Variants in PARD3B observed in about 807,000 individuals in gnomAD.
The protein encoded by PARD3B is partitioning defective 3 homolog B.
Under a neutral mutation model 130.2 loss-of-function variants are expected in PARD3B, and 103 were observed. The observed-to-expected ratio is 0.79, with a 90% CI of 0.67 to 0.93. The LOEUF is 0.93. Among genes scored for constraint, PARD3B ranks in the 40% least tolerant of loss-of-function variants. The pLI is 0.00. For missense variants in PARD3B, 1,609 were observed against 1,499.2 expected (o/e 1.07, Z -1.21); for synonymous variants, 583 against 553.2 (o/e 1.05, Z -0.76).
rs1285176600 is a variant in PARD3B at position 205,122,891 on chromosome 2, C to T, written c.1165+942C>T. ...ACATTGACTAGTAGGTACAAAAATA[C>T]TTCAGTGTGCTTATCAATCAGGTTT... On this transcript the variant is annotated intron_variant, in intron 8 of 22. Coordinates refer to ENST00000406610, the MANE Select transcript of PARD3B (RefSeq NM_001302769.2). The surrounding 1 kb of genome is among the most constrained non-coding windows in gnomAD (Gnocchi z 4.3). Among the ~76,000 whole-genome samples the T allele has an allele frequency of 6.6e-6, 1 of 152,182 alleles. No homozygotes were observed. Among genetic ancestry groups the T allele is most frequent in the Non-Finnish European group, 1.5e-5 (1 of 68,014 alleles).
chr2:204,881,994 A>G (rs888309484), intron 2 of PARD3B, among the ~76,000 whole-genome samples: 126 of 152,162 alleles, frequency 8.3e-4, no homozygotes, highest in African/African-American at 2.9e-3. Context: ...CTGAAGCATC[A>G]CTAAGACACA....
chr2:204,970,324 T>C (rs1422987850), intron 3 of PARD3B, among the ~76,000 whole-genome samples: 1 of 152,198 alleles, frequency 6.6e-6, no homozygotes, highest in Non-Finnish European at 1.5e-5. Flanking sequence ...ATTTAACCTA[T>C]CTCTATCAGA....
At chr2:205,065,348 G>A (rs1700303525) in intron 4 of PARD3B, among the ~76,000 whole-genome samples, 1 of 152,184 alleles carries the variant, frequency 6.6e-6, no homozygotes, top group South Asian at 2.1e-4. Context: ...GAGACATTCT[G>A]TTGACGACAA....
intron 7 of PARD3B, among the ~76,000 whole-genome samples, chr2:205,120,307 T>C (rs1326980820): frequency 6.6e-6 from 1 of 152,112 alleles, no homozygotes; most frequent in Admixed American, 6.5e-5. Context: ...ATAGAGTTAG[T>C]ATGGAGTAGA....
At chr2:205,199,052 G>A (rs1455637535) in intron 15 of PARD3B, among the ~76,000 whole-genome samples, 2 of 152,066 alleles carry the variant, frequency 1.3e-5, no homozygotes, top group Admixed American at 6.6e-5. Context: ...TAATAGACAA[G>A]TATACAAAGA....
At chr2:205,538,449 A>T (rs2051963240) in intron 21 of PARD3B, among the ~76,000 whole-genome samples, 1 of 149,506 alleles carries the variant, frequency 6.7e-6, no homozygotes, top group African/African-American at 2.5e-5. Flanking sequence ...TCTGTAAACA[A>T]CAATAAGATG....
intron 18 of PARD3B, among the ~76,000 whole-genome samples, chr2:205,336,262 C>T (rs1381748371): frequency 6.6e-6 from 1 of 152,152 alleles, no homozygotes; most frequent in African/African-American, 2.4e-5. Flanking sequence ...ATTATCATAC[C>T]ATTTGACCAT....
chr2:205,256,422 T>C (rs1013270357), intron 16 of PARD3B, among the ~76,000 whole-genome samples: 1 of 152,142 alleles, frequency 6.6e-6, no homozygotes, highest in Non-Finnish European at 1.5e-5. Flanking sequence ...CCCCTAAGGT[T>C]CTCACAGTTT....
chr2:205,074,319 T>A (rs1700910645), intron 4 of PARD3B, among the ~76,000 whole-genome samples: 2 of 152,232 alleles, frequency 1.3e-5, no homozygotes, highest in South Asian at 4.1e-4. Flanking sequence ...ATATATCTTA[T>A]GTAATATATT....
intron 2 of PARD3B, among the ~76,000 whole-genome samples, chr2:204,754,298 G>T (rs1244918164): frequency 6.6e-6 from 1 of 152,118 alleles, no homozygotes; most frequent in Non-Finnish European, 1.5e-5. Context: ...TAATTATTAT[G>T]ACAGGCACTG....
rs558934344 is a variant in PARD3B at position 205,181,790 on chromosome 2, C to T, written c.1925-3974C>T. On this transcript the variant is annotated intron_variant, in intron 13 of 22. Transcript: ENST00000406610. Reference sequence around the variant, plus strand: ...TTGGCCATCAATGAAGTAATGACTACAGGGAGTGCTGTGTCAACATTTACA... The same window carrying T: ...TTGGCCATCAATGAAGTAATGACTATAGGGAGTGCTGTGTCAACATTTACA... 8.0e-4 allele frequency among the ~76,000 whole-genome samples: 122 copies of T among 152,238 alleles called. 1 individual carries two copies. Among genetic ancestry groups the T allele is most frequent in the African/African-American group, 2.4e-3 (98 of 41,518 alleles).
intron 2 of PARD3B, among the ~76,000 whole-genome samples, chr2:204,761,187 T>G (rs2040883057): frequency 6.6e-6 from 1 of 152,190 alleles, no homozygotes. Flanking sequence ...CAAGGATGAC[T>G]TTCATGGGAT....
intron 13 of PARD3B, among the ~76,000 whole-genome samples, chr2:205,179,934 T>C (rs2035695854): frequency 6.6e-6 from 1 of 152,142 alleles, no homozygotes; most frequent in African/African-American, 2.4e-5. Context: ...AATAGAATGT[T>C]CAGACTTTGT....
intron 3 of PARD3B, among the ~76,000 whole-genome samples, chr2:205,017,908 G>A (rs747377721): frequency 1.3e-5 from 2 of 152,106 alleles, no homozygotes; most frequent in African/African-American, 4.8e-5. Context: ...TATAAGCAGA[G>A]GTGATGTTTA....
At chr2:205,201,078 A>T (rs2036962017) in intron 15 of PARD3B, among the ~76,000 whole-genome samples, 1 of 152,198 alleles carries the variant, frequency 6.6e-6, no homozygotes, top group Non-Finnish European at 1.5e-5. Context: ...ATAACTACAA[A>T]GACAGTATAG....
chr2:205,238,600 G>A (rs1043729904), intron 15 of PARD3B, among the ~76,000 whole-genome samples: 1 of 151,890 alleles, frequency 6.6e-6, no homozygotes, highest in African/African-American at 2.4e-5. Context: ...GGGAGGCTGA[G>A]GCGGGTGTAT....
chr2:205,058,638 G>T (rs527521655), intron 4 of PARD3B, among the ~76,000 whole-genome samples: 14 of 151,968 alleles, frequency 9.2e-5, no homozygotes, highest in Admixed American at 9.2e-4. Flanking sequence ...TCATCCTAAT[G>T]ACTGTGAGGT....
Position 204,553,685 on chromosome 2 carries a change from TATATATATATACAC to T in PARD3B, c.120+7568_120+7581del, listed in dbSNP as rs1198876657. ...ATATATATATATATATATATATATA[TATATATATATACAC>T]ACATATATATAAAGGAATACACCTC... On this transcript the variant is annotated intron_variant, in intron 1 of 22. Coordinates refer to ENST00000406610, the MANE Select transcript of PARD3B (RefSeq NM_001302769.2). Among the ~76,000 whole-genome samples, 81 of 77,832 alleles carry T rather than the reference TATATATATATACAC, an allele frequency of 1.0e-3. 1 individual carries two copies. The highest frequency in any genetic ancestry group is 3.9e-3 in the African/African-American group (80 of 20,680). 51.1% of individuals were successfully genotyped at this position (77,832 alleles called of 152,430 possible).
chr2:205,581,271 GATAGAT>G lies in PARD3B; in HGVS notation c.3260+27878_3260+27883del, dbSNP rs1334496504. ...ATATAGATATATATAGATATAGATAGATAGATATAGATATATAGATAGATATAGATA... is the reference window on the plus strand; with the variant it reads ...ATATAGATATATATAGATATAGATAGATAGATATATAGATAGATATAGATA... On this transcript the variant is annotated intron_variant, in intron 22 of 22. Coordinates refer to ENST00000406610, the MANE Select transcript of PARD3B (RefSeq NM_001302769.2). Among the ~76,000 whole-genome samples the G allele has an allele frequency of 1.0e-2, 1,307 of 131,176 alleles. 30 individuals are homozygous for G. The highest frequency in any genetic ancestry group is 0.036 in the African/African-American group (1,230 of 34,628). The allele number at this position is 131,176 out of a possible 152,430, so 86.1% of individuals were successfully genotyped here.
Sources: allele counts gnomAD v4.1 joint callset (sites outside exome capture counted in the v4.1 genomes callset), GRCh38; gene constraint gnomAD v4.1.1; non-coding constraint Gnocchi (gnomAD v3.1); transcripts MANE v1.5; gene names NCBI Gene and HGNC (gene_info 2026-07-23, HGNC 2026-07-21).